HK1: variants seen among roughly 807,000 people sequenced by gnomAD.
HK1 encodes hexokinase-1.
In HK1, 28 loss-of-function variants were observed where a neutral mutation model predicts 91.6. That is an observed-to-expected ratio of 0.31 (90% CI 0.23 to 0.42). The LOEUF (loss-of-function observed/expected upper bound fraction) is 0.42. HK1 is among the 10% of genes least tolerant of loss of function. The probability of loss-of-function intolerance (pLI) is 1.00; values close to 1 mark genes in which losing one functional copy is unlikely to be tolerated. For synonymous variants in HK1, 430 were observed against 468.1 expected, an observed-to-expected ratio of 0.92 and a Z score of 1.05; for missense variants, 770 against 1,219.8, an observed-to-expected ratio of 0.63 and a Z score of 5.49.
At chr10:69,399,299 C>G (rs1438078699) in intron 17 of HK1, among the ~76,000 whole-genome samples, 1 of 152,078 alleles carries the variant, frequency 6.6e-6, no homozygotes, top group African/African-American at 2.4e-5. Context: ...TGCTTCAGTC[C>G]AGGAGTTTGA....
chr10:69,326,473 C>G (rs1847384552), intron 1 of HK1, among the ~76,000 whole-genome samples: 1 of 152,118 alleles, frequency 6.6e-6, no homozygotes, highest in Non-Finnish European at 1.5e-5. Flanking sequence ...GGAGATAAAA[C>G]ATTTTTCTAA....
At chr10:69,345,346 A>G (rs1848495616) in intron 2 of HK1, among the ~76,000 whole-genome samples, 4 of 152,168 alleles carry the variant, frequency 2.6e-5, no homozygotes, top group Admixed American at 6.5e-5. Flanking sequence ...TGGCCATCAG[A>G]GTGAATAGAC....
chr10:69,395,693 T>A (rs1336975922), intron 16 of HK1, among the ~76,000 whole-genome samples: 2 of 152,218 alleles, frequency 1.3e-5, no homozygotes, highest in East Asian at 3.8e-4. Flanking sequence ...CCATTTCAGA[T>A]GGTAAAGATG....
intron 1 of HK1, chr10:69,338,194 GTGTT>G (rs1349156873): frequency 2.9e-6 from 3 of 1,023,640 alleles, no homozygotes; most frequent in African/African-American, 1.7e-5. Context: ...TGTCTGGAAA[GTGTT>G]TGAGCAAGAG....
chr10:69,330,783 T>C (rs558818306), intron 1 of HK1, among the ~76,000 whole-genome samples: 1 of 152,230 alleles, frequency 6.6e-6, no homozygotes, highest in African/African-American at 2.4e-5. Context: ...CACTATTAGA[T>C]CATATCCCCT....
At chr10:69,293,400 A>G (rs747753270) in intron 3 of HK1, among the ~76,000 whole-genome samples, 12 of 152,210 alleles carry the variant, frequency 7.9e-5, no homozygotes, top group South Asian at 6.2e-4. Flanking sequence ...CAGCTTGCAC[A>G]TGATTTTTGG....
chr10:69,364,939 C>T, intron 4 of HK1, 37 bp downstream of exon 4: 1 of 1,613,114 alleles, frequency 6.2e-7, no homozygotes, highest in Non-Finnish European at 8.5e-7. Flanking sequence ...TCTGCAGATG[C>T]CCCGGGATGG....
chr10:69,279,198 C>T (rs1589430899), intron 1 of HK1, among the ~76,000 whole-genome samples: 1 of 152,176 alleles, frequency 6.6e-6, no homozygotes, highest in Non-Finnish European at 1.5e-5. Context: ...AGGCAGGTCT[C>T]TGTGTTGTAT....
intron 2 of HK1, among the ~76,000 whole-genome samples, chr10:69,345,295 A>G (rs148633058): frequency 5.1e-4 from 77 of 152,318 alleles, no homozygotes; most frequent in African/African-American, 1.8e-3. Flanking sequence ...GTTGATTACT[A>G]GCACCTACTT....
chr10:69,304,275 A>AT (rs1846003943), intron 5 of HK1, among the ~76,000 whole-genome samples: 1 of 143,388 alleles, frequency 7.0e-6, no homozygotes, highest in Admixed American at 7.1e-5. Flanking sequence ...TTTTATTTTT[A>AT]TTATTTATTT....
intron 2 of HK1, among the ~76,000 whole-genome samples, chr10:69,352,239 C>G (rs1011171394): frequency 6.6e-6 from 1 of 152,040 alleles, no homozygotes; most frequent in Non-Finnish European, 1.5e-5. Context: ...GTGATCCACC[C>G]GCCTCAGCCT....
intron 1 of HK1, among the ~76,000 whole-genome samples, chr10:69,341,950 C>A (rs922880930): frequency 2.0e-5 from 3 of 151,978 alleles, no homozygotes; most frequent in African/African-American, 7.2e-5. Flanking sequence ...GAGTTTGAGA[C>A]CAGCCTGGCC....
At chr10:69,351,994 A>G (rs73267631) in intron 2 of HK1, among the ~76,000 whole-genome samples, 16,376 of 146,972 alleles carry the variant, frequency 0.11, 1,458 homozygotes, top group African/African-American at 0.25. Flanking sequence ...CAGTTATTTC[A>G]ATTTTTTTTT....
In HK1 at chr10:69,377,084, C is replaced by T. The variant is rs567037782; in HGVS notation, c.1026C>T (p.Ile342=). ...TTAACACCAGTGATGTGTCAGCCAT[C>T]GAAAAGTAGGTACCATCCCCTCAAG... is the stretch of plus-strand genomic sequence containing the variant. ...GKFNTSDVSA[I]EKNKEGLHNA... Residue 342 remains isoleucine (I), a synonymous_variant, in exon 8 of 18, where the codon ATC becomes ATT. Coordinates refer to ENST00000359426, the MANE Select transcript of HK1 (RefSeq NM_000188.3). The T allele has an allele frequency of 3.5e-5, 57 of 1,614,066 alleles. No homozygotes were observed. The highest frequency in any genetic ancestry group is 4.4e-5 in the Non-Finnish European group (52 of 1,179,996).
intron 3 of HK1, 23 bp from the exon 4 acceptor site, chr10:69,364,760 G>T: frequency 1.2e-6 from 2 of 1,614,156 alleles, no homozygotes; most frequent in East Asian, 4.5e-5. Flanking sequence ...GGGGCCCCCT[G>T]ACTGCTCTCA....
intron 1 of HK1, chr10:69,338,273 G>A: frequency 1.7e-6 from 2 of 1,172,348 alleles, no homozygotes; most frequent in Non-Finnish European, 1.1e-6. Flanking sequence ...GGGCAGCGGT[G>A]GACAGAGGCC....
Position 69,401,126 on chromosome 10 carries a change from A to G in HK1, c.2745A>G (p.Ala915=), listed in dbSNP as rs1424090421. The G allele has an allele frequency of 6.2e-7, 1 of 1,613,818 alleles. No homozygotes were observed. The highest frequency in any genetic ancestry group is 1.1e-5 in the South Asian group (1 of 91,080). ...TAVGVRLRTE[A]SS ...TGGGCGTGCGGTTACGCACAGAGGC[A>G]AGCAGCTAAGAGTCCGGGATCCCCA... The change falls in exon 18 of 18, where the codon GCA becomes GCG. Residue 915 remains alanine, a synonymous_variant. Transcript: ENST00000359426.
In HK1 at chr10:69,318,933, A is replaced by G. The variant is rs1361227908; in HGVS notation, c.-15A>G. The G allele has an allele frequency of 6.3e-7, 1 of 1,581,882 alleles. No homozygotes were observed. Among genetic ancestry groups the G allele is most frequent in the Admixed American group, 1.8e-5 (1 of 56,686 alleles). ...CCGTCCCCACGCCTGCCGCCCCGCG[A>G]CCCCGACCGCCAGCATGATCGCCGC... On this transcript the variant is annotated 5_prime_UTR_variant, in exon 1 of 18. Coordinates refer to ENST00000359426, the MANE Select transcript of HK1 (RefSeq NM_000188.3).
chr10:69,371,326 A>T (rs1258863167), intron 7 of HK1, among the ~76,000 whole-genome samples: 1 of 75,932 alleles, frequency 1.3e-5, no homozygotes, highest in African/African-American at 5.0e-5. Context: ...ACCCCCCCCC[A>T]CCCCGCCCAA....
Sources: gnomAD v4.1 joint callset for allele counts (sites outside exome capture counted in the v4.1 genomes callset) on GRCh38, gnomAD v4.1.1 for gene constraint, MANE v1.5 for transcripts, NCBI Gene and HGNC (gene_info 2026-07-23, HGNC 2026-07-21) for gene names.